RELN: variants seen among roughly 807,000 people sequenced by gnomAD.
RELN encodes reelin.
A neutral mutation model predicts 427.6 loss-of-function variants in RELN; 108 were observed. The ratio of observed to expected loss-of-function variants is 0.25; its 90% CI spans 0.22 to 0.30. The LOEUF is 0.30. RELN is among the 10% of genes least tolerant of loss of function. RELN has a pLI of 1.00. For missense variants in RELN, 3,715 were observed against 4,302.8 expected (o/e 0.86, Z 3.82); for synonymous variants, 1,524 against 1,513.4 (o/e 1.01, Z -0.16).
intron 1 of RELN, among the ~76,000 whole-genome samples, chr7:103,985,782 A>G (rs1797085151): frequency 6.6e-6 from 1 of 152,142 alleles, no homozygotes; most frequent in Non-Finnish European, 1.5e-5. Flanking sequence ...GAGGAAAAGG[A>G]ACGACCATGG....
chr7:103,738,495 C>T (rs111537684), intron 6 of RELN, among the ~76,000 whole-genome samples: 3 of 151,974 alleles, frequency 2.0e-5, no homozygotes, highest in African/African-American at 4.8e-5. Context: ...AACCCACATC[C>T]TCTCATGATA....
chr7:103,816,735 A>G (rs1453748657), intron 3 of RELN, among the ~76,000 whole-genome samples: 2 of 152,184 alleles, frequency 1.3e-5, no homozygotes, highest in African/African-American at 2.4e-5. Flanking sequence ...AGCTACAATG[A>G]CACTGATTTC....
At chr7:103,855,983 A>C (rs998471376) in intron 2 of RELN, among the ~76,000 whole-genome samples, 1 of 152,178 alleles carries the variant, frequency 6.6e-6, no homozygotes, top group African/African-American at 2.4e-5. Flanking sequence ...GATACAAGTC[A>C]ACCCACAATA....
At chr7:103,518,688 G>A (rs1829632377) in intron 49 of RELN, among the ~76,000 whole-genome samples, 1 of 151,272 alleles carries the variant, frequency 6.6e-6, no homozygotes, top group Non-Finnish European at 1.5e-5. Context: ...GCCTCCCCCT[G>A]GACCCTGCCT....
chr7:103,770,158 C>T (rs1405435562), intron 4 of RELN, among the ~76,000 whole-genome samples: 1 of 152,162 alleles, frequency 6.6e-6, no homozygotes, highest in Non-Finnish European at 1.5e-5. Flanking sequence ...GATTTCGGCT[C>T]ACTGCTACCC....
At chr7:103,780,630 T>C (rs1791865384) in intron 3 of RELN, among the ~76,000 whole-genome samples, 1 of 152,226 alleles carries the variant, frequency 6.6e-6, no homozygotes, top group Non-Finnish European at 1.5e-5. Flanking sequence ...TAGCTCCCAC[T>C]TATCAGTGAG....
Position 103,866,483 on chromosome 7 carries a change from T to A in RELN, c.338-32811A>T, listed in dbSNP as rs76409955. Among the ~76,000 whole-genome samples, 787 of 152,220 alleles carry A rather than the reference T, an allele frequency of 5.2e-3. 6 individuals carry two copies. Among genetic ancestry groups the A allele is most frequent in the African/African-American group, 0.018 (755 of 41,558 alleles). On this transcript the variant is annotated intron_variant, in intron 2 of 64. Transcript: ENST00000428762. The stretch of plus-strand genomic sequence containing the variant: ...TTTTAACTGCATGGTTAATTATATT[T>A]TCTGAAAACTAGATATTTGTGATTG...
intron 8 of RELN, 143 bp from the exon 9 acceptor site, chr7:103,701,149 C>A: frequency 1.5e-6 from 1 of 665,254 alleles, no homozygotes. Context: ...ATGCTGAAAT[C>A]TCCTGTGATC....
At chr7:103,829,625 A>G (rs112067965) in intron 3 of RELN, among the ~76,000 whole-genome samples, 1 of 151,878 alleles carries the variant, frequency 6.6e-6, no homozygotes. Context: ...AGCCATCACT[A>G]TATCCTGAAA....
intron 1 of RELN, among the ~76,000 whole-genome samples, chr7:103,971,152 CAAA>C (rs559162833): frequency 6.2e-5 from 5 of 81,258 alleles, no homozygotes; most frequent in African/African-American, 3.6e-5. Context: ...GACTCTATCT[CAAA>C]AAAAAAAAAA....
At chr7:103,615,555 T>G (rs1351726040) in intron 20 of RELN, among the ~76,000 whole-genome samples, 1 of 152,172 alleles carries the variant, frequency 6.6e-6, no homozygotes, top group Non-Finnish European at 1.5e-5. Flanking sequence ...CTGGATTATC[T>G]CACTTGACCT....
intron 43 of RELN, among the ~76,000 whole-genome samples, chr7:103,540,673 C>G (rs533099787): frequency 7.9e-5 from 12 of 151,944 alleles, no homozygotes; most frequent in South Asian, 2.1e-4. Flanking sequence ...AATTCTGCAC[C>G]CATATTTGTG....
chr7:103,659,983 C>T (rs1489503389), intron 12 of RELN, among the ~76,000 whole-genome samples: 1 of 151,968 alleles, frequency 6.6e-6, no homozygotes, highest in African/African-American at 2.4e-5. Context: ...AATCAATTCC[C>T]CATCATAGTA....
chr7:103,866,957 C>T (rs1249354361), intron 2 of RELN, among the ~76,000 whole-genome samples: 1 of 151,966 alleles, frequency 6.6e-6, no homozygotes, highest in African/African-American at 2.4e-5. Context: ...CTATTTACTG[C>T]CCTAACAGAT....
chr7:103,604,615 T>C, intron 22 of RELN, 132 bp from the exon 23 acceptor site: 2 of 856,082 alleles, frequency 2.3e-6, no homozygotes, highest in East Asian at 2.6e-5. Flanking sequence ...ATCATTTTTC[T>C]TTAATTTCCA....
In RELN at chr7:103,604,390, G is replaced by C. The variant is rs1164899933; in HGVS notation, c.3102C>G (p.Pro1034=). 1 of 1,613,756 alleles carries C rather than the reference G, an allele frequency of 6.2e-7. No individual in the cohort carries two copies. The highest frequency in any genetic ancestry group is 1.1e-5 in the South Asian group (1 of 91,078). The change falls in exon 23 of 65, where the codon CCC becomes CCG. Residue 1034 remains proline (P), a synonymous_variant. Coordinates refer to ENST00000428762, the MANE Select transcript of RELN (RefSeq NM_005045.4). ...ATGAGCCATGCCCACTGCACATGTT[G>C]GGGCACTGCTGCCCAATGTAAATGC... is the stretch of plus-strand genomic sequence containing the variant. ...LDSIYIGQQC[P]NMCSGHGSCD...
intron 34 of RELN, among the ~76,000 whole-genome samples, chr7:103,562,950 A>G (rs1198973646): frequency 1.3e-5 from 2 of 152,034 alleles, no homozygotes; most frequent in Non-Finnish European, 2.9e-5. Flanking sequence ...GAGCCCTTGA[A>G]TTTCCCCATC....
chr7:103,932,369 G>A (rs192553668), intron 1 of RELN, among the ~76,000 whole-genome samples: 2 of 152,288 alleles, frequency 1.3e-5, no homozygotes, highest in Non-Finnish European at 2.9e-5. Context: ...GGGAACAACA[G>A]ACACTGGGTT....
At chr7:103,512,230 G>A (rs1361246536) in intron 50 of RELN, among the ~76,000 whole-genome samples, 1 of 152,100 alleles carries the variant, frequency 6.6e-6, no homozygotes, top group Non-Finnish European at 1.5e-5. Context: ...TTGAGTTTAA[G>A]AAATGAGTTT....
Sources: gnomAD v4.1 joint callset for allele counts (sites outside exome capture counted in the v4.1 genomes callset) on GRCh38, gnomAD v4.1.1 for gene constraint, MANE v1.5 for transcripts, NCBI Gene and HGNC (gene_info 2026-07-23, HGNC 2026-07-21) for gene names.